CACNA2D3: variants seen among roughly 807,000 people sequenced by gnomAD.
The protein encoded by CACNA2D3 is calcium voltage-gated channel auxiliary subunit alpha2delta 3.
In CACNA2D3, 60 loss-of-function variants were observed where a neutral mutation model predicts 160.6. That is an observed-to-expected ratio of 0.37 (90% CI 0.30 to 0.46). The LOEUF (loss-of-function observed/expected upper bound fraction) is 0.46. CACNA2D3 is among the 20% of genes least tolerant of loss of function. The probability of loss-of-function intolerance (pLI) is 1.00; values close to 1 mark genes in which losing one functional copy is unlikely to be tolerated. For synonymous variants in CACNA2D3, 558 were observed against 492.9 expected, an observed-to-expected ratio of 1.13 and a Z score of -1.75; for missense variants, 1,205 against 1,365.0, an observed-to-expected ratio of 0.88 and a Z score of 1.85.
chr3:54,857,098 T>C (rs1416758979), intron 17 of CACNA2D3, among the ~76,000 whole-genome samples: 1 of 152,184 alleles, frequency 6.6e-6, no homozygotes, highest in Non-Finnish European at 1.5e-5. Flanking sequence ...TGTATTAAGC[T>C]GAGTCCTGGA....
At chr3:54,957,521 T>A (rs1176636423) in intron 27 of CACNA2D3, among the ~76,000 whole-genome samples, 1 of 152,194 alleles carries the variant, frequency 6.6e-6, no homozygotes, top group African/African-American at 2.4e-5. Flanking sequence ...GAAATATGTT[T>A]CATTAAATAA....
chr3:54,122,658 G>A lies in CACNA2D3; in HGVS notation c.-56G>A. On this transcript the variant is annotated 5_prime_UTR_variant, in exon 1 of 38. Transcript: ENST00000474759. The stretch of plus-strand genomic sequence containing the variant: ...GCTCGCCCACCGCCCGCTCCGCGCA[G>A]CTCCCCGCGGCCGCTCTCGTCGCCG... 1 of 1,003,726 alleles carries A rather than the reference G, an allele frequency of 1.0e-6. No individual in the cohort carries two copies. Among genetic ancestry groups the A allele is most frequent in the Non-Finnish European group, 1.2e-6 (1 of 843,904 alleles). The allele number at this position is 1,003,726 out of a possible 1,614,324, so 62.2% of individuals were successfully genotyped here. A position where few individuals can be genotyped will look rare whatever the true frequency, so the allele number is the denominator to read the frequency against.
intron 11 of CACNA2D3, among the ~76,000 whole-genome samples, chr3:54,667,088 C>T (rs1240670634): frequency 6.6e-6 from 1 of 152,156 alleles, no homozygotes; most frequent in East Asian, 1.9e-4. Flanking sequence ...CTTAAATTCC[C>T]AAAGATCAGG....
At chr3:54,367,610 A>G in intron 3 of CACNA2D3, 2 of 374,118 alleles carry the variant, frequency 5.3e-6, no homozygotes, top group Non-Finnish European at 1.1e-5. Flanking sequence ...GCACAGCCTT[A>G]CAGGGGCTTG....
intron 4 of CACNA2D3, among the ~76,000 whole-genome samples, chr3:54,443,769 A>G (rs1700179539): frequency 6.6e-6 from 1 of 152,112 alleles, no homozygotes; most frequent in Admixed American, 6.5e-5. Context: ...AGATAGAAAA[A>G]CTTGGGAAGG....
At chr3:54,381,496 GA>G (rs1699102069) in intron 3 of CACNA2D3, among the ~76,000 whole-genome samples, 2 of 152,058 alleles carry the variant, frequency 1.3e-5, no homozygotes, top group Admixed American at 1.3e-4. Flanking sequence ...TAAAATACAT[GA>G]AGACAAAAAA....
At chr3:54,206,036 G>C (rs1701270450) in intron 2 of CACNA2D3, among the ~76,000 whole-genome samples, 1 of 152,168 alleles carries the variant, frequency 6.6e-6, no homozygotes, top group Non-Finnish European at 1.5e-5. Flanking sequence ...TGGCAAGCCT[G>C]TGTTATATGT....
chr3:54,749,548 A>C (rs1701818647), intron 11 of CACNA2D3, among the ~76,000 whole-genome samples: 1 of 152,170 alleles, frequency 6.6e-6, no homozygotes, highest in African/African-American at 2.4e-5. Context: ...CTGAGGGTGG[A>C]ATTACTGTGT....
intron 3 of CACNA2D3, among the ~76,000 whole-genome samples, chr3:54,342,546 G>A (rs575123334): frequency 1.1e-4 from 17 of 152,268 alleles, no homozygotes; most frequent in African/African-American, 3.6e-4. Flanking sequence ...TGTGATTGGT[G>A]ACTTAGGAGC....
intron 4 of CACNA2D3, among the ~76,000 whole-genome samples, chr3:54,452,267 G>T (rs932631199): frequency 2.0e-5 from 3 of 152,176 alleles, no homozygotes; most frequent in Admixed American, 6.5e-5. Context: ...CTTGTGCAGG[G>T]GAACTCCCAT....
At chr3:54,831,244 A>G (rs1703872175) in intron 14 of CACNA2D3, among the ~76,000 whole-genome samples, 1 of 152,136 alleles carries the variant, frequency 6.6e-6, no homozygotes, top group Admixed American at 6.5e-5. Flanking sequence ...CTCCGCTGAA[A>G]ACCACCTGGC....
intron 3 of CACNA2D3, 32 bp from the exon 4 acceptor site, chr3:54,386,683 T>G (rs572075142): frequency 6.6e-7 from 1 of 1,521,434 alleles, no homozygotes; most frequent in African/African-American, 1.4e-5. Context: ...TGATCCTTAA[T>G]GCTGTCTTCT....
chr3:54,627,694 T>C, intron 9 of CACNA2D3, 93 bp from the exon 10 acceptor site: 1 of 765,186 alleles, frequency 1.3e-6, no homozygotes, highest in Non-Finnish European at 2.3e-6. Flanking sequence ...CTGACAATCA[T>C]TGGTCTTGCC....
chr3:55,053,171 A>G (rs1230602071), intron 35 of CACNA2D3, among the ~76,000 whole-genome samples: 1 of 151,926 alleles, frequency 6.6e-6, no homozygotes, highest in Non-Finnish European at 1.5e-5. Flanking sequence ...ACCTAATTCT[A>G]TCCCCAAGTT....
chr3:54,515,199 T>TGAGAGAGA (rs778355205), intron 5 of CACNA2D3, among the ~76,000 whole-genome samples: 11 of 143,706 alleles, frequency 7.7e-5, no homozygotes, highest in Admixed American at 2.8e-4. Context: ...TGTGTGTGTG[T>TGAGAGAGA]GAGAGAGAGA....
chr3:54,233,215 A>G (rs1312472753), intron 2 of CACNA2D3, among the ~76,000 whole-genome samples: 17 of 152,112 alleles, frequency 1.1e-4, no homozygotes, highest in African/African-American at 4.8e-5. Flanking sequence ...CAGAATATCA[A>G]TTCTGTGCTA....
chr3:54,266,254 T>C (rs1406664777), intron 2 of CACNA2D3, among the ~76,000 whole-genome samples: 1 of 152,188 alleles, frequency 6.6e-6, no homozygotes, highest in Non-Finnish European at 1.5e-5. Flanking sequence ...TTAGTAATGC[T>C]TCTTAGAATT....
chr3:54,790,010 T>G (rs1702719412), intron 13 of CACNA2D3: 7 of 367,616 alleles, frequency 1.9e-5, no homozygotes, highest in South Asian at 1.4e-4. Flanking sequence ...TAATGAGGAA[T>G]GATTTCACTT....
chr3:54,766,864 T>G (rs1702234120), intron 13 of CACNA2D3, among the ~76,000 whole-genome samples: 1 of 150,846 alleles, frequency 6.6e-6, no homozygotes, highest in Admixed American at 6.6e-5. Context: ...GCAAGAATTA[T>G]ATATAGCATA....
Sources: gnomAD v4.1 joint callset for allele counts (sites outside exome capture counted in the v4.1 genomes callset) on GRCh38, gnomAD v4.1.1 for gene constraint, MANE v1.5 for transcripts, NCBI Gene and HGNC (gene_info 2026-07-23, HGNC 2026-07-21) for gene names.